Variants in ING2 observed in about 807,000 individuals in gnomAD.
ING2 encodes inhibitor of growth protein 2.
In ING2, 7 loss-of-function variants were observed where a neutral mutation model predicts 30.6. The ratio of observed to expected loss-of-function variants is 0.23; its 90% CI spans 0.13 to 0.43. ING2 has a LOEUF of 0.43. Among genes scored for constraint, ING2 ranks in the 20% least tolerant of loss-of-function variants. The probability of loss-of-function intolerance (pLI) is 1.00; values close to 1 mark genes in which losing one functional copy is unlikely to be tolerated. For missense variants in ING2, 239 were observed against 334.9 expected (o/e 0.71, Z 2.24); for synonymous variants, 136 against 121.7 (o/e 1.12, Z -0.78).
In ING2 at chr4:183,505,162, T is replaced by C. The variant is rs2111082073; in HGVS notation, c.-34T>C. 3.8e-6 allele frequency: 6 copies of C among 1,578,454 alleles called. No homozygotes were observed. In the East Asian group the frequency reaches 1.2e-4, roughly 32 times the overall value. On this transcript the variant is annotated 5_prime_UTR_variant, in exon 1 of 2. It removes an upstream start codon present in the reference 5' UTR. Coordinates refer to ENST00000302327, the MANE Select transcript of ING2 (RefSeq NM_001564.4). The stretch of plus-strand genomic sequence containing the variant: ...GGCCGGTGCATGTGCGGCTGCTGGA[T>C]GCGGAGGCGGCGGCGACGGCGCGGA...
At chr4:183,505,593 G>A (rs1165986292) in intron 1 of ING2, among the ~76,000 whole-genome samples, 3 of 152,078 alleles carry the variant, frequency 2.0e-5, no homozygotes, top group Admixed American at 6.5e-5. Context: ...GTCAGCCCCC[G>A]CTGCAGACCC....
Position 183,506,016 on chromosome 4 carries a change from A to G in ING2, c.172+649A>G. On this transcript the variant is annotated intron_variant, in intron 1 of 1. Transcript: ENST00000302327. ...GAGGGGTCCCCCGCGGGAGAGGAAG[A>G]GAGGGGCGTGTGTGGCGGGGAGGGC... 2 of 907,256 alleles carry G rather than the reference A, an allele frequency of 2.2e-6. 1 individual carries two copies. The highest frequency in any genetic ancestry group is 2.8e-6 in the Non-Finnish European group (2 of 713,334). The allele number at this position is 907,256 out of a possible 1,614,324, so 56.2% of individuals were successfully genotyped here.
chr4:183,505,238 C>T lies in ING2; in HGVS notation c.43C>T (p.Leu15Phe). The T allele has an allele frequency of 1.3e-6, 2 of 1,599,298 alleles. No homozygotes were observed. The highest frequency in any genetic ancestry group is 8.5e-7 in the Non-Finnish European group (1 of 1,174,086). Reference sequence around the variant, plus strand: ...GCAGCAACTGTACTCGTCGGCCGCGCTCCTGACCGGGGAGCGGAGCCGGCT... The same window carrying T: ...GCAGCAACTGTACTCGTCGGCCGCGTTCCTGACCGGGGAGCGGAGCCGGCT... ...QQQQLYSSAALLTGERSRLLT... is the reference protein window; with the variant it reads ...QQQQLYSSAAFLTGERSRLLT... The change falls in exon 1 of 2, where the codon CTC (leucine) becomes TTC (phenylalanine). Residue 15 changes from leucine (L) to phenylalanine (F), a missense_variant. This residue lies in a region of ING2 where 80 missense variants were observed against 102.4 expected (regional missense o/e 0.78). Coordinates refer to ENST00000302327, the MANE Select transcript of ING2 (RefSeq NM_001564.4).
rs1734799517 is a variant in ING2 at position 183,510,590 on chromosome 4, C to A, written c.481C>A (p.Arg161Ser). 1 of 1,613,932 alleles carries A rather than the reference C, an allele frequency of 6.2e-7. No homozygotes were observed. Among genetic ancestry groups the A allele is most frequent in the Non-Finnish European group, 8.5e-7 (1 of 1,180,030 alleles). The change falls in exon 2 of 2, where the codon CGT becomes AGT. Residue 161 changes from arginine to serine, a missense_variant. Physicochemically the swap from Arg to Ser is moderately radical, Grantham distance 110. Coordinates refer to ENST00000302327, the MANE Select transcript of ING2 (RefSeq NM_001564.4). ...RPRRQRTSES[R>S]DLCHMANGIE... Reference sequence around the variant, plus strand: ...CCGCAGGCAGCGGACCAGTGAAAGCCGTGATTTATGTCACATGGCAAATGG... The same window carrying A: ...CCGCAGGCAGCGGACCAGTGAAAGCAGTGATTTATGTCACATGGCAAATGG...
rs1734599429 is a variant in ING2 at position 183,505,078 on chromosome 4, G to C, written c.-118G>C. The C allele has an allele frequency of 1.0e-6, 1 of 970,526 alleles. No homozygotes were observed. The allele number at this position is 970,526 out of a possible 1,614,324, so 60.1% of individuals were successfully genotyped here. ...TCGGGGAGCGCGGCCGTGCCCTCTC[G>C]AGCGGCTGCGGGGTCCCCGCGGCGC... is the stretch of plus-strand genomic sequence containing the variant. On this transcript the variant is annotated 5_prime_UTR_variant, in exon 1 of 2. Transcript: ENST00000302327.
chr4:183,510,073 T>G (rs1734786062), intron 1 of ING2, among the ~76,000 whole-genome samples: 1 of 152,238 alleles, frequency 6.6e-6, no homozygotes, highest in Non-Finnish European at 1.5e-5. Context: ...AGTTTTGTGT[T>G]CTTTCTTTTC....
chr4:183,507,040 T>C (rs774301471), intron 1 of ING2, among the ~76,000 whole-genome samples: 3 of 152,216 alleles, frequency 2.0e-5, no homozygotes, highest in Non-Finnish European at 4.4e-5. Context: ...TGATACGTGC[T>C]TAATAATTGT....
chr4:183,505,387 C>T lies in ING2; in HGVS notation c.172+20C>T, dbSNP rs919775808. The T allele has an allele frequency of 2.6e-6, 4 of 1,510,672 alleles. No individual in the cohort carries two copies. The highest frequency in any genetic ancestry group is 2.7e-6 in the Non-Finnish European group (3 of 1,125,628). The allele number at this position is 1,510,672 out of a possible 1,614,324, so 93.6% of individuals were successfully genotyped here. A position where few individuals can be genotyped will look rare whatever the true frequency, so the allele number is the denominator to read the frequency against. On this transcript the variant is annotated intron_variant, in intron 1 of 1. Transcript: ENST00000302327. The stretch of plus-strand genomic sequence containing the variant: ...ATCAAGGTAGGAGCCGCGGGGCTGC[C>T]GGCCTCGGGAGCCGGTGGCGGGGAG...
chr4:183,508,939 T>C (rs987549587), intron 1 of ING2, among the ~76,000 whole-genome samples: 1 of 152,236 alleles, frequency 6.6e-6, no homozygotes, highest in African/African-American at 2.4e-5. Context: ...GCCATACAAC[T>C]AAATCAGCAG....
chr4:183,510,640 A>G lies in ING2; in HGVS notation c.531A>G (p.Pro177=), dbSNP rs1487915335. 6.2e-7 allele frequency: 1 copy of G among 1,614,164 alleles called. No homozygotes were observed. Residue 177 remains proline, a synonymous_variant, in exon 2 of 2, where the codon CCA becomes CCG. Transcript: ENST00000302327. ...ANGIEDCDDQ[P]PKEKKSKSAK... is the part of the protein sequence containing the mutation. ...GGATTGAAGACTGTGATGATCAGCC[A>G]CCTAAAGAAAAGAAATCCAAGTCAG...
rs575452446 is a variant in ING2, at chr4:183,506,396, C to G, written c.172+1029C>G. 240 of 1,006,238 alleles carry G rather than the reference C, an allele frequency of 2.4e-4. 3 individuals carry two copies. Among genetic ancestry groups the G allele is most frequent in the South Asian group, 1.8e-3 (136 of 75,190 alleles). 62.3% of individuals were successfully genotyped at this position (1,006,238 alleles called of 1,614,324 possible). A position where few individuals can be genotyped will look rare whatever the true frequency, so the allele number is the denominator to read the frequency against. On this transcript the variant is annotated intron_variant, in intron 1 of 1. Coordinates refer to ENST00000302327, the MANE Select transcript of ING2 (RefSeq NM_001564.4). ...TGACTGGGCAACCGCCTGGCGTCCC[C>G]GAGCCCCTCCTTCTCCGACTTTAAG...
In ING2 at chr4:183,510,544, A is replaced by G. The variant is rs1560971037; in HGVS notation, c.435A>G (p.Pro145=). 2 of 1,614,110 alleles carry G rather than the reference A, an allele frequency of 1.2e-6. No homozygotes were observed. Among genetic ancestry groups the G allele is most frequent in the African/African-American group, 1.3e-5 (1 of 75,072 alleles). The change falls in exon 2 of 2, where the codon CCA becomes CCG. Residue 145 remains proline, a synonymous_variant. Transcript: ENST00000302327. ...SDKAKMDSSQ[P]ERSSRRPRRQ... is the part of the protein sequence containing the mutation. ...AAGCAAAGATGGATTCCAGCCAACC[A>G]GAAAGATCTTCAAGAAGACCCCGCA...
chr4:183,509,127 A>G (rs939417962), intron 1 of ING2, among the ~76,000 whole-genome samples: 1 of 152,262 alleles, frequency 6.6e-6, no homozygotes, highest in Non-Finnish European at 1.5e-5. Flanking sequence ...ATTAAAAGTA[A>G]GATGATGGGA....
chr4:183,508,493 A>G (rs1407381274), intron 1 of ING2, among the ~76,000 whole-genome samples: 7 of 152,180 alleles, frequency 4.6e-5, no homozygotes, highest in African/African-American at 1.4e-4. Context: ...GTTCGAAAAT[A>G]TGCTATGCAG....
rs1167643116 is a variant in ING2 at position 183,511,534 on chromosome 4, T to C, written c.*582T>C. 6.6e-6 allele frequency among the ~76,000 whole-genome samples: 1 copy of C among 152,360 alleles called. No individual in the cohort carries two copies. The highest frequency in any genetic ancestry group is 1.9e-4 in the East Asian group (1 of 5,192). ...GAGAGTACGTGCTGCTGTCTTTTGCTTAGTAGCATTTTGATCCACTGTCAG... is the reference window on the plus strand; with the variant it reads ...GAGAGTACGTGCTGCTGTCTTTTGCCTAGTAGCATTTTGATCCACTGTCAG... On this transcript the variant is annotated 3_prime_UTR_variant, in exon 2 of 2. Transcript: ENST00000302327.
chr4:183,505,438 C>T, intron 1 of ING2, 71 bp downstream of exon 1: 2 of 1,380,532 alleles, frequency 1.4e-6, no homozygotes, highest in South Asian at 1.4e-5. Context: ...GCCACCTTCC[C>T]TTTCTCCCGT....
chr4:183,506,253 C>T lies in ING2; in HGVS notation c.172+886C>T, dbSNP rs960002433. 3.1e-6 allele frequency: 4 copies of T among 1,304,316 alleles called. No homozygotes were observed. The Admixed American group carries it at 9.2e-5, about 30-fold the overall frequency. 80.8% of individuals were successfully genotyped at this position (1,304,316 alleles called of 1,614,324 possible). On this transcript the variant is annotated intron_variant, in intron 1 of 1. Coordinates refer to ENST00000302327, the MANE Select transcript of ING2 (RefSeq NM_001564.4). ...CATGTTTTGCGGTGATGTTTCCAACCTCTTTCCCAGTCAATGGATCAGGAC... is the reference window on the plus strand; with the variant it reads ...CATGTTTTGCGGTGATGTTTCCAACTTCTTTCCCAGTCAATGGATCAGGAC...
chr4:183,507,458 C>T (rs1734678721), intron 1 of ING2, among the ~76,000 whole-genome samples: 1 of 152,194 alleles, frequency 6.6e-6, no homozygotes, highest in Non-Finnish European at 1.5e-5. Flanking sequence ...AAGAGTTAAG[C>T]TATTTGAAGT....
At chr4:183,506,903 A>G (rs979177747) in intron 1 of ING2, among the ~76,000 whole-genome samples, 1 of 152,216 alleles carries the variant, frequency 6.6e-6, no homozygotes, top group Non-Finnish European at 1.5e-5. Flanking sequence ...TCGATGTAGA[A>G]TATTTGGCTC....
Sources: allele counts gnomAD v4.1 joint callset (sites outside exome capture counted in the v4.1 genomes callset), GRCh38; gene constraint gnomAD v4.1.1; regional missense constraint gnomAD v4.1.1; transcripts MANE v1.5; gene names NCBI Gene and HGNC (gene_info 2026-07-23, HGNC 2026-07-21).